The following VXN variants were observed in gnomAD, a reference collection of about 807,000 sequenced individuals.
VXN encodes vexin.
VXN carries 7 observed loss-of-function variants against 23.1 expected under a neutral mutation model. The ratio of observed to expected loss-of-function variants is 0.30; its 90% CI spans 0.17 to 0.57. VXN has a LOEUF of 0.57. Among genes scored for constraint, VXN ranks in the 20% least tolerant of loss-of-function variants. The pLI, the probability that VXN is intolerant of heterozygous loss-of-function variation, is 0.91. For synonymous variants in VXN, 120 were observed against 105.8 expected, an observed-to-expected ratio of 1.13 and a Z score of -0.83; for missense variants, 238 against 272.6, an observed-to-expected ratio of 0.87 and a Z score of 0.89.
chr8:66,508,744 A>G (rs773385868), intron 3 of VXN, among the ~76,000 whole-genome samples: 11 of 152,108 alleles, frequency 7.2e-5, no homozygotes, highest in Non-Finnish European at 1.5e-4. Flanking sequence ...CTTCATCATA[A>G]CTGTTATGTA....
rs7004809 is a variant in VXN, at chr8:66,499,386, C to T, written c.126+2894C>T. On this transcript the variant is annotated intron_variant, in intron 2 of 5. Transcript: ENST00000305454. The stretch of plus-strand genomic sequence containing the variant: ...TATCTGGGACTACAGGCATGAGCCA[C>T]CATGCCCAGCTAATTTTTGTACTTT... Among the ~76,000 whole-genome samples, 486 of 151,824 alleles carry T rather than the reference C, an allele frequency of 3.2e-3. 6 individuals are homozygous for T. Among genetic ancestry groups the T allele is most frequent in the African/African-American group, 0.011 (438 of 41,360 alleles).
At chr8:66,508,620 C>T (rs1424473171) in intron 3 of VXN, among the ~76,000 whole-genome samples, 1 of 152,172 alleles carries the variant, frequency 6.6e-6, no homozygotes, top group East Asian at 1.9e-4. Context: ...TGTCTCTCCA[C>T]CTGGCAAACT....
intron 5 of VXN, 122 bp downstream of exon 5, chr8:66,513,759 C>A: frequency 1.5e-6 from 1 of 680,056 alleles, no homozygotes; most frequent in East Asian, 2.8e-5. Flanking sequence ...AAACCCATGC[C>A]AGCTGCAAAT....
intron 3 of VXN, 87 bp downstream of exon 3, chr8:66,505,615 T>C (rs190441237): frequency 2.2e-6 from 3 of 1,391,982 alleles, no homozygotes; most frequent in African/African-American, 1.5e-5. Context: ...CAGGGCAGCG[T>C]TGGCGGTGGC....
chr8:66,517,427 G>A lies in VXN; in HGVS notation c.*1351G>A, dbSNP rs1334731143. The A allele has an allele frequency of 6.6e-6, 1 of 152,224 alleles. No individual in the cohort carries two copies. Among genetic ancestry groups the A allele is most frequent in the Admixed American group, 6.5e-5 (1 of 15,286 alleles). The allele number at this position is 152,224 out of a possible 1,614,324, so 9.4% of individuals were successfully genotyped here. A position where few individuals can be genotyped will look rare whatever the true frequency, so the allele number is the denominator to read the frequency against. On this transcript the variant is annotated 3_prime_UTR_variant, in exon 6 of 6. Transcript: ENST00000305454. The stretch of plus-strand genomic sequence containing the variant: ...GATTAGACTAAGGCACCTAACTTAT[G>A]TGAGTGTCAGGCTTCAATGCCTGTG...
intron 2 of VXN, among the ~76,000 whole-genome samples, chr8:66,504,727 A>C (rs1386051332): frequency 6.6e-6 from 1 of 152,160 alleles, no homozygotes; most frequent in Non-Finnish European, 1.5e-5. Flanking sequence ...ATTTCCGTGC[A>C]CAGAACCACA....
intron 2 of VXN, chr8:66,498,962 T>G (rs919791396): frequency 2.1e-5 from 6 of 288,686 alleles, no homozygotes; most frequent in Non-Finnish European, 3.6e-5. Flanking sequence ...TAAATCCCAG[T>G]TCTATCCATT....
At chr8:66,506,283 A>C (rs1807758600) in intron 3 of VXN, among the ~76,000 whole-genome samples, 1 of 144,014 alleles carries the variant, frequency 6.9e-6, no homozygotes, top group African/African-American at 2.7e-5. Flanking sequence ...AAAATTGTAC[A>C]GGCTCTTCAT....
intron 2 of VXN, among the ~76,000 whole-genome samples, chr8:66,504,679 A>G (rs952163371): frequency 2.6e-5 from 4 of 152,220 alleles, no homozygotes; most frequent in African/African-American, 7.2e-5. Flanking sequence ...ATGACTGAAA[A>G]CATTTTAGCA....
intron 4 of VXN, among the ~76,000 whole-genome samples, chr8:66,511,259 A>G (rs1485671859): frequency 6.6e-6 from 1 of 152,148 alleles, no homozygotes; most frequent in Non-Finnish European, 1.5e-5. Context: ...GCTGGAGGTG[A>G]GGTCAGCTCA....
At chr8:66,506,235 G>GAGAC (rs1251416575) in intron 3 of VXN, among the ~76,000 whole-genome samples, 2 of 90,132 alleles carry the variant, frequency 2.2e-5, no homozygotes, top group Admixed American at 1.3e-4. Context: ...GAGAGACAGT[G>GAGAC]TGTGTGTGTG....
Position 66,513,634 on chromosome 8 carries a change from G to A in VXN, c.437G>A (p.Arg146Lys). The change falls in exon 5 of 6, where the codon AGA becomes AAA. Residue 146 changes from arginine to lysine, a missense_variant. Arg to Lys is a conservative substitution (Grantham distance 26). Around this residue, in one of 2 missense-constraint regions of VXN, gnomAD observed 223 missense variants for 236.9 expected, o/e 0.94. Coordinates refer to ENST00000305454, the MANE Select transcript of VXN (RefSeq NM_152765.4). ...MGTEKGAVLM[R>K]GSRHLKKMTE... ...ACAGAGAAGGGAGCTGTTCTGATGAGAGGGTAAGTGCTGCGTCTCTGGCCC... is the reference window on the plus strand; with the variant it reads ...ACAGAGAAGGGAGCTGTTCTGATGAAAGGGTAAGTGCTGCGTCTCTGGCCC... 1.2e-6 allele frequency: 2 copies of A among 1,613,768 alleles called. No homozygotes were observed. Among genetic ancestry groups the A allele is most frequent in the Non-Finnish European group, 1.7e-6 (2 of 1,179,706 alleles).
chr8:66,515,804 G>C, intron 5 of VXN, 89 bp from the exon 6 acceptor site: 1 of 1,154,444 alleles, frequency 8.7e-7, no homozygotes, highest in Non-Finnish European at 1.2e-6. Flanking sequence ...GCAGAGGAGA[G>C]AGAGCTCTGG....
In VXN at chr8:66,518,005, G is replaced by C. The variant is rs972416020; in HGVS notation, c.*1929G>C. 6.6e-6 allele frequency: 1 copy of C among 152,208 alleles called. No individual in the cohort carries two copies. The highest frequency in any genetic ancestry group is 6.5e-5 in the Admixed American group (1 of 15,274). The allele number at this position is 152,208 out of a possible 1,614,324, so 9.4% of individuals were successfully genotyped here. ...CTCTTCAACCATTGTTTTAGACTCT[G>C]AACACCAGATCCTCATATCTGAAAG... On this transcript the variant is annotated 3_prime_UTR_variant, in exon 6 of 6. Transcript: ENST00000305454.
chr8:66,495,711 T>C (rs911007543), intron 1 of VXN, among the ~76,000 whole-genome samples: 1 of 152,236 alleles, frequency 6.6e-6, no homozygotes, highest in African/African-American at 2.4e-5. Context: ...AAGTAACATG[T>C]TTAATGGTTA....
At chr8:66,514,404 TA>T (rs1159806330) in intron 5 of VXN, 2 of 152,248 alleles carry the variant, frequency 1.3e-5, no homozygotes, top group African/African-American at 4.8e-5. Context: ...GTACCCATCT[TA>T]GGGGGTTGTG....
intron 2 of VXN, 160 bp from the exon 3 acceptor site, chr8:66,505,204 GGCCGGTTTCCT>G (rs1807735634): frequency 1.1e-6 from 1 of 892,740 alleles, no homozygotes; most frequent in East Asian, 2.6e-5. Flanking sequence ...AGTCACTTCT[GGCCGGTTTCCT>G]GCCCAGATTT....
chr8:66,496,474 G>C lies in VXN; in HGVS notation c.108G>C (p.Gln36His). The C allele has an allele frequency of 6.2e-7, 1 of 1,614,140 alleles. No individual in the cohort carries two copies. Among genetic ancestry groups the C allele is most frequent in the Non-Finnish European group, 8.5e-7 (1 of 1,179,988 alleles). ...CCAGAAGAAGAGCCAAAAGCTCTCA[G>C]CACCTCTTGACCAAGAATGTAAGGA... The part of the protein sequence containing the change: ...SPARRRAKSS[Q>H]HLLTKNVVIE... The change falls in exon 2 of 6, where the codon CAG becomes CAC. Residue 36 changes from glutamine (Q) to histidine (H), a missense_variant. Physicochemically the swap from Gln to His is conservative, Grantham distance 24. Around this residue, in one of 2 missense-constraint regions of VXN, gnomAD observed 223 missense variants for 236.9 expected, o/e 0.94. Coordinates refer to ENST00000305454, the MANE Select transcript of VXN (RefSeq NM_152765.4).
In VXN at chr8:66,517,307, A is replaced by T. The variant is rs1002262652; in HGVS notation, c.*1231A>T. ...ATTAAATGCCTATGTTTCAGGCATG[A>T]TACTAGGCAATTTATATATATCATC... is the stretch of plus-strand genomic sequence containing the variant. On this transcript the variant is annotated 3_prime_UTR_variant, in exon 6 of 6. Coordinates refer to ENST00000305454, the MANE Select transcript of VXN (RefSeq NM_152765.4). 1 of 152,226 alleles carries T rather than the reference A, an allele frequency of 6.6e-6. No homozygotes were observed. The highest frequency in any genetic ancestry group is 2.4e-5 in the African/African-American group (1 of 41,458). 9.4% of individuals were successfully genotyped at this position (152,226 alleles called of 1,614,324 possible).
Sources: allele counts gnomAD v4.1 joint callset (sites outside exome capture counted in the v4.1 genomes callset), GRCh38; gene constraint gnomAD v4.1.1; regional missense constraint gnomAD v4.1.1; transcripts MANE v1.5; gene names NCBI Gene and HGNC (gene_info 2026-07-23, HGNC 2026-07-21).